Variants in GARNL3 observed in about 807,000 individuals in gnomAD.
The protein encoded by GARNL3 is GTPase-activating Rap/Ran-GAP domain-like protein 3.
GARNL3 carries 63 observed loss-of-function variants against 125.0 expected under a neutral mutation model. That is an observed-to-expected ratio of 0.50 (90% CI 0.41 to 0.62). The LOEUF (loss-of-function observed/expected upper bound fraction) is 0.62, where lower values mean the gene tolerates loss of function less well. GARNL3 is among the 20% of genes least tolerant of loss of function. The pLI is 0.00. For synonymous variants in GARNL3, 439 were observed against 457.5 expected (o/e 0.96, Z 0.52); for missense variants, 994 against 1,244.0 (o/e 0.80, Z 3.02).
chr9:127,363,885 A>G (rs1447785141), intron 21 of GARNL3: 1 of 152,250 alleles, frequency 6.6e-6, no homozygotes, highest in Non-Finnish European at 1.5e-5. Context: ...CTGAGTGCTC[A>G]TCATGCATGA....
intron 22 of GARNL3, chr9:127,368,941 A>G (rs116507215): frequency 0.012 from 1,905 of 152,450 alleles, 44 homozygotes; most frequent in African/African-American, 0.044. Context: ...AAAACAAAAC[A>G]AAACAAAACA....
chr9:127,325,857 T>C (rs1012786270), intron 7 of GARNL3, among the ~76,000 whole-genome samples: 2 of 152,212 alleles, frequency 1.3e-5, no homozygotes, highest in Non-Finnish European at 2.9e-5. Flanking sequence ...TCTTCTGGTT[T>C]CCAGATAGTA....
At chr9:127,332,391 C>G (rs1172587576) in intron 8 of GARNL3, 42 bp downstream of exon 8, 1 of 1,512,234 alleles carries the variant, frequency 6.6e-7, no homozygotes, top group Non-Finnish European at 9.2e-7. Context: ...GAGACCCTGT[C>G]CTGCCTTGTT....
intron 1 of GARNL3, among the ~76,000 whole-genome samples, chr9:127,285,881 T>C (rs969883524): frequency 6.6e-6 from 1 of 152,250 alleles, no homozygotes. Context: ...TGCTTTATTG[T>C]ATTTAATATA....
intron 21 of GARNL3, chr9:127,363,863 C>T (rs146180969): frequency 6.6e-6 from 1 of 152,342 alleles, no homozygotes; most frequent in East Asian, 1.9e-4. Flanking sequence ...GATAAAAAGC[C>T]AATAGCCTTC....
chr9:127,277,627 G>A (rs946467597), intron 1 of GARNL3, among the ~76,000 whole-genome samples: 12 of 151,812 alleles, frequency 7.9e-5, no homozygotes, highest in African/African-American at 2.9e-4. Context: ...AAGGCTTTCT[G>A]CAGTCTTGCT....
At chr9:127,247,876 C>G (rs1274571172) in intron 2 of GARNL3, among the ~76,000 whole-genome samples, 1 of 152,096 alleles carries the variant, frequency 6.6e-6, no homozygotes, top group Non-Finnish European at 1.5e-5. Flanking sequence ...TCTTACTCAT[C>G]CTTTCTATTT....
chr9:127,264,574 G>A (rs1021132112), upstream of GARNL3: 6 of 1,053,202 alleles, frequency 5.7e-6, no homozygotes, highest in Non-Finnish European at 5.7e-6. Context: ...TGCAAGATCC[G>A]GTTCAGCAGC....
intron 11 of GARNL3, among the ~76,000 whole-genome samples, chr9:127,337,235 C>A (rs1829603051): frequency 6.6e-6 from 1 of 152,152 alleles, no homozygotes; most frequent in Non-Finnish European, 1.5e-5. Context: ...AATATTTCCC[C>A]TTTCTAGAGG....
chr9:127,352,435 A>T (rs907140576), intron 17 of GARNL3, among the ~76,000 whole-genome samples: 2 of 152,176 alleles, frequency 1.3e-5, no homozygotes, highest in Non-Finnish European at 2.9e-5. Context: ...AATTGTAGTT[A>T]TTTAGCCAAC....
chr9:127,284,745 T>TTA (rs983500221), intron 1 of GARNL3, among the ~76,000 whole-genome samples: 11 of 151,854 alleles, frequency 7.2e-5, no homozygotes, highest in East Asian at 3.9e-4. Flanking sequence ...ACTCAAGAAT[T>TTA]TATATAAATA....
At chr9:127,381,325 C>T (rs1277243993) in intron 22 of GARNL3, among the ~76,000 whole-genome samples, 5 of 152,138 alleles carry the variant, frequency 3.3e-5, no homozygotes, top group Admixed American at 2.0e-4. Context: ...TGCAACAAAA[C>T]TCTATATCTA....
At chr9:127,320,644 A>G (rs2065370813) in intron 5 of GARNL3, 71 bp from the exon 6 acceptor site, 1 of 1,036,848 alleles carries the variant, frequency 9.6e-7, no homozygotes, top group Admixed American at 1.9e-5. Flanking sequence ...TAGGGAAAAC[A>G]GCTGTGATTT....
intron 12 of GARNL3, among the ~76,000 whole-genome samples, chr9:127,338,372 T>C (rs1208773618): frequency 1.3e-5 from 2 of 152,198 alleles, no homozygotes; most frequent in African/African-American, 4.8e-5. Context: ...GGGTCAGGGT[T>C]AGTTTGATAT....
intron 1 of GARNL3, among the ~76,000 whole-genome samples, chr9:127,241,152 T>C (rs1415434546): frequency 6.6e-6 from 1 of 151,154 alleles, no homozygotes; most frequent in East Asian, 1.9e-4. Context: ...CGCAGGGCTC[T>C]GCCTGAAACT....
chr9:127,314,722 T>C (rs1473882829), intron 4 of GARNL3, among the ~76,000 whole-genome samples: 2 of 152,178 alleles, frequency 1.3e-5, no homozygotes, highest in Non-Finnish European at 2.9e-5. Context: ...GTGGGACAAA[T>C]GCAGGGGGAA....
intron 22 of GARNL3, among the ~76,000 whole-genome samples, chr9:127,366,279 T>C (rs1474866671): frequency 1.3e-5 from 2 of 152,222 alleles, no homozygotes; most frequent in Non-Finnish European, 2.9e-5. Flanking sequence ...TTATGGGGAA[T>C]AAATTAGGAG....
Position 127,383,527 on chromosome 9 carries a change from C to A in GARNL3, c.2251C>A (p.Gln751Lys), listed in dbSNP as rs764809956. 1 of 1,612,140 alleles carries A rather than the reference C, an allele frequency of 6.2e-7. No individual in the cohort carries two copies. The highest frequency in any genetic ancestry group is 8.5e-7 in the Non-Finnish European group (1 of 1,178,816). Reference protein sequence around the residue: ...SASDFQFCWNQAPYAIVCAFP... With the variant: ...SASDFQFCWNKAPYAIVCAFP... The stretch of plus-strand genomic sequence containing the variant: ...GTCAGATTTCCAGTTCTGTTGGAAC[C>A]AGGCTCCCTATGCAATTGGTAAGAA... Residue 751 changes from glutamine to lysine, a missense_variant, in exon 23 of 28, where the codon CAG (glutamine) becomes AAG (lysine). Gln to Lys is a moderately conservative substitution (Grantham distance 53). Around this residue, in one of 5 missense-constraint regions of GARNL3, gnomAD observed 728 missense variants for 865.7 expected, o/e 0.84. Coordinates refer to ENST00000373387, the MANE Select transcript of GARNL3 (RefSeq NM_032293.5).
At chr9:127,314,379 C>T (rs2065176916) in intron 4 of GARNL3, among the ~76,000 whole-genome samples, 1 of 152,178 alleles carries the variant, frequency 6.6e-6, no homozygotes, top group South Asian at 2.1e-4. Context: ...CGGGAAGGGG[C>T]CTCTGGTTCA....
Sources: gnomAD v4.1 joint callset for allele counts (sites outside exome capture counted in the v4.1 genomes callset) on GRCh38, gnomAD v4.1.1 for gene constraint, gnomAD v4.1.1 regional missense constraint, MANE v1.5 for transcripts, NCBI Gene and HGNC (gene_info 2026-07-23, HGNC 2026-07-21) for gene names.